The following CTNNA3 variants were observed in gnomAD, a reference collection of about 807,000 sequenced individuals.
CTNNA3 encodes the protein catenin alpha 3.
CTNNA3 carries 76 observed loss-of-function variants against 95.7 expected under a neutral mutation model. The observed-to-expected ratio is 0.79, with a 90% CI of 0.66 to 0.96. CTNNA3 has a LOEUF of 0.96. Among genes scored for constraint, CTNNA3 ranks in the 40% least tolerant of loss-of-function variants. The probability of loss-of-function intolerance (pLI) is 0.00; values close to 1 mark genes in which losing one functional copy is unlikely to be tolerated. For synonymous variants in CTNNA3, 431 were observed against 374.4 expected, an observed-to-expected ratio of 1.15 and a Z score of -1.74; for missense variants, 1,191 against 1,089.8, an observed-to-expected ratio of 1.09 and a Z score of -1.31.
At chr10:67,681,858 G>C (rs535616802) in intron 1 of CTNNA3, among the ~76,000 whole-genome samples, 2 of 152,088 alleles carry the variant, frequency 1.3e-5, no homozygotes, top group South Asian at 4.1e-4. Context: ...TACTATGGTG[G>C]GATAAAAAGA....
chr10:66,944,832 T>G (rs1252275254), intron 7 of CTNNA3, among the ~76,000 whole-genome samples: 1 of 152,200 alleles, frequency 6.6e-6, no homozygotes, highest in Admixed American at 6.6e-5. Context: ...TATATGTCCA[T>G]CAGAGCTCTT....
At chr10:67,180,280 G>A in intron 7 of CTNNA3, 37 bp downstream of exon 7, 4 of 1,540,006 alleles carry the variant, frequency 2.6e-6, no homozygotes, top group Non-Finnish European at 3.6e-6. Flanking sequence ...TACAAGGGAA[G>A]AGGGGCTAGG....
chr10:67,348,605 G>A (rs185135312), intron 5 of CTNNA3, among the ~76,000 whole-genome samples: 1 of 152,120 alleles, frequency 6.6e-6, no homozygotes, highest in African/African-American at 2.4e-5. Context: ...GAGAGCAAGA[G>A]ACAGAGGGAG....
At chr10:66,028,056 T>C (rs2079376066) in intron 15 of CTNNA3, among the ~76,000 whole-genome samples, 2 of 152,170 alleles carry the variant, frequency 1.3e-5, no homozygotes, top group African/African-American at 4.8e-5. Context: ...TTCTTTTACT[T>C]ATACTTAAAT....
rs1258918388 is a variant in CTNNA3 at position 67,493,335 on chromosome 10, G to T, written c.579+28507C>A. On this transcript the variant is annotated intron_variant, in intron 5 of 17. Transcript: ENST00000433211. ...CCCAGCACTTGGGAGGCCGAGGCGG[G>T]TGGATCATGAGGTCAGGGAATCGAG... Among the ~76,000 whole-genome samples, 3 of 152,268 alleles carry T rather than the reference G, an allele frequency of 2.0e-5. No individual in the cohort carries two copies. The East Asian group carries it at 5.8e-4, about 29-fold the overall frequency.
intron 3 of CTNNA3, among the ~76,000 whole-genome samples, chr10:67,579,477 A>T (rs962067697): frequency 6.6e-6 from 1 of 151,958 alleles, no homozygotes; most frequent in Admixed American, 6.5e-5. Context: ...GGTTGGTTTC[A>T]AGTCTTTGCT....
chr10:66,465,790 A>T (rs12220315), intron 11 of CTNNA3, among the ~76,000 whole-genome samples: 1 of 152,064 alleles, frequency 6.6e-6, no homozygotes, highest in Non-Finnish European at 1.5e-5. Flanking sequence ...CAATCTGCAC[A>T]TGGTCCAAGA....
intron 15 of CTNNA3, among the ~76,000 whole-genome samples, chr10:66,057,508 C>T (rs2080111022): frequency 6.6e-6 from 1 of 152,154 alleles, no homozygotes; most frequent in Non-Finnish European, 1.5e-5. Context: ...TAGCAATCAT[C>T]CTGTACATTT....
chr10:67,510,108 T>C (rs1839564480), intron 5 of CTNNA3, among the ~76,000 whole-genome samples: 1 of 152,212 alleles, frequency 6.6e-6, no homozygotes, highest in Admixed American at 6.5e-5. Context: ...GATGGGTAGA[T>C]TGCAAAAATT....
intron 15 of CTNNA3, among the ~76,000 whole-genome samples, chr10:65,996,055 T>C (rs1317141018): frequency 6.6e-6 from 1 of 152,164 alleles, no homozygotes; most frequent in Non-Finnish European, 1.5e-5. Flanking sequence ...TCAAGGCACG[T>C]GCAAGTACAC....
intron 17 of CTNNA3, among the ~76,000 whole-genome samples, chr10:65,964,706 G>T (rs374808254): frequency 2.0e-5 from 3 of 152,190 alleles, no homozygotes; most frequent in African/African-American, 7.2e-5. Context: ...TACAAAGCAC[G>T]ATTAGTGTGT....
chr10:67,547,030 A>C (rs952215096), intron 3 of CTNNA3, among the ~76,000 whole-genome samples: 1 of 152,212 alleles, frequency 6.6e-6, no homozygotes, highest in Non-Finnish European at 1.5e-5. Context: ...ACTATTCAGC[A>C]CTAAAATACG....
intron 13 of CTNNA3, among the ~76,000 whole-genome samples, chr10:66,198,902 T>C (rs985035773): frequency 1.3e-5 from 2 of 152,244 alleles, no homozygotes; most frequent in Non-Finnish European, 2.9e-5. Context: ...TTGAAGGTTT[T>C]GAAGAAATAT....
intron 7 of CTNNA3, among the ~76,000 whole-genome samples, chr10:66,900,395 T>C (rs1347261838): frequency 1.3e-5 from 2 of 152,006 alleles, no homozygotes; most frequent in East Asian, 1.9e-4. Flanking sequence ...CAAAGGTAGA[T>C]AAAACCACAA....
chr10:67,212,366 G>A (rs1355853954), intron 6 of CTNNA3, among the ~76,000 whole-genome samples: 16 of 151,850 alleles, frequency 1.1e-4, no homozygotes, highest in Admixed American at 1.0e-3. Flanking sequence ...TGTAACACTA[G>A]AAATGTGTTG....
rs189471290 is a variant in CTNNA3, at chr10:66,023,367, C to T, written c.2160-34570G>A. Among the ~76,000 whole-genome samples the T allele has an allele frequency of 2.7e-5, 4 of 150,116 alleles. No individual in the cohort carries two copies. The East Asian group carries it at 7.9e-4, about 30-fold the overall frequency. On this transcript the variant is annotated intron_variant, in intron 15 of 17. Coordinates refer to ENST00000433211, the MANE Select transcript of CTNNA3 (RefSeq NM_013266.4). Reference sequence around the variant, plus strand: ...TTTGAACTTGTTACTTATCTGTTAACATACATACCTCATGAGTTTTAAGTG... The same window carrying T: ...TTTGAACTTGTTACTTATCTGTTAATATACATACCTCATGAGTTTTAAGTG...
At chr10:66,564,322 T>A (rs904058990) in intron 10 of CTNNA3, among the ~76,000 whole-genome samples, 1 of 152,114 alleles carries the variant, frequency 6.6e-6, no homozygotes, top group African/African-American at 2.4e-5. Flanking sequence ...GGACCCATAA[T>A]GAGCAGATGT....
At chr10:67,614,905 T>G (rs1843596295) in intron 2 of CTNNA3, among the ~76,000 whole-genome samples, 1 of 152,240 alleles carries the variant, frequency 6.6e-6, no homozygotes, top group Non-Finnish European at 1.5e-5. Flanking sequence ...CTCACATGTA[T>G]GCACACAACA....
At chr10:67,657,381 TA>T (rs1840054718) in intron 1 of CTNNA3, among the ~76,000 whole-genome samples, 1 of 152,098 alleles carries the variant, frequency 6.6e-6, no homozygotes, top group Non-Finnish European at 1.5e-5. Context: ...GTTGTCAGCA[TA>T]AAGGTAGATA....
Sources: gnomAD v4.1 joint callset for allele counts (sites outside exome capture counted in the v4.1 genomes callset) on GRCh38, gnomAD v4.1.1 for gene constraint, MANE v1.5 for transcripts, NCBI Gene and HGNC (gene_info 2026-07-23, HGNC 2026-07-21) for gene names.